Variants in COL20A1 observed in about 807,000 individuals in gnomAD.
COL20A1 encodes the protein collagen alpha-1(XX) chain.
A neutral mutation model predicts 152.9 loss-of-function variants in COL20A1; 164 were observed. The observed-to-expected ratio is 1.07, with a 90% CI of 0.94 to 1.22. The LOEUF (loss-of-function observed/expected upper bound fraction) is 1.22. Ranked by LOEUF, COL20A1 falls within the 50% of genes most tolerant of loss-of-function variation. COL20A1 has a pLI of 0.00. For missense variants in COL20A1, 1,873 were observed against 1,744.8 expected, an observed-to-expected ratio of 1.07 and a Z score of -1.31; for synonymous variants, 864 against 756.0, an observed-to-expected ratio of 1.14 and a Z score of -2.34.
chr20:63,316,442 C>A, intron 20 of COL20A1, 111 bp from the exon 21 acceptor site: 1 of 754,506 alleles, frequency 1.3e-6, no homozygotes. Context: ...CCCTCCCTCC[C>A]ACCGCACTGC....
At chr20:63,327,750 C>G in intron 31 of COL20A1, 1 of 603,738 alleles carries the variant, frequency 1.7e-6, no homozygotes, top group Non-Finnish European at 2.9e-6. Context: ...TGCTGCAGAA[C>G]CGAGCCTCTC....
intron 1 of COL20A1, among the ~76,000 whole-genome samples, chr20:63,294,135 A>C (rs2067753169): frequency 1.7e-5 from 1 of 59,106 alleles, no homozygotes; most frequent in Admixed American, 1.7e-4. Flanking sequence ...AGGGGAGCGG[A>C]GTGTGAGGGG....
rs199530656 is a variant in COL20A1 at position 63,316,596 on chromosome 20, T to C, written c.2568T>C (p.Tyr856=). 10 of 1,588,206 alleles carry C rather than the reference T, an allele frequency of 6.3e-6. No homozygotes were observed. The Admixed American group carries it at 1.1e-4, about 17-fold the overall frequency. Residue 856 remains tyrosine, a synonymous_variant, in exon 21 of 36, where the codon TAT becomes TAC. Transcript: ENST00000358894. ...MVAFSLVEKA[Y]ASIRGVAMEP... Reference sequence around the variant, plus strand: ...CCTTCAGCCTGGTGGAAAAGGCTTATGCGTCCATCCGGGGCGTGGCCATGG... The same window carrying C: ...CCTTCAGCCTGGTGGAAAAGGCTTACGCGTCCATCCGGGGCGTGGCCATGG...
intron 2 of COL20A1, among the ~76,000 whole-genome samples, chr20:63,297,343 C>T (rs111855042): frequency 0.013 from 1,810 of 135,798 alleles, no homozygotes; most frequent in Non-Finnish European, 0.017. Context: ...CTCAGGGGAC[C>T]CAGCCCAGGG....
intron 26 of COL20A1, among the ~76,000 whole-genome samples, chr20:63,321,678 G>A (rs1193952824): frequency 1.3e-5 from 2 of 152,156 alleles, no homozygotes; most frequent in South Asian, 2.1e-4. Flanking sequence ...GGTGGGTCCT[G>A]AGAGGTCCTT....
intron 19 of COL20A1, among the ~76,000 whole-genome samples, chr20:63,314,505 G>A (rs982295591): frequency 3.9e-5 from 6 of 152,146 alleles, no homozygotes; most frequent in African/African-American, 1.4e-4. Context: ...ACAGGTCCAG[G>A]GCGAGGGCTC....
chr20:63,296,468 C>T (rs1298236185), intron 2 of COL20A1, among the ~76,000 whole-genome samples: 3 of 152,224 alleles, frequency 2.0e-5, no homozygotes, highest in East Asian at 1.9e-4. Context: ...CAGCCCAGGA[C>T]GGGTGGGAGC....
Position 63,306,729 on chromosome 20 carries a change from G to A in COL20A1, c.496+690G>A, listed in dbSNP as rs2067930830. ...GGGCTGGGCTTCCCCATAGAACTGG[G>A]AGGGCCTGGCTTTGTCTCCTCCATC... On this transcript the variant is annotated intron_variant, in intron 5 of 35. Transcript: ENST00000358894. This position sits in a 1 kb window ranked among gnomAD's most constrained non-coding sequence, Gnocchi z 6.9. Among the ~76,000 whole-genome samples the A allele has an allele frequency of 6.6e-6, 1 of 152,232 alleles. No individual in the cohort carries two copies. The highest frequency in any genetic ancestry group is 1.5e-5 in the Non-Finnish European group (1 of 68,028).
At chr20:63,298,767 G>A (rs1355168529) in intron 3 of COL20A1, among the ~76,000 whole-genome samples, 2 of 152,152 alleles carry the variant, frequency 1.3e-5, no homozygotes, top group Non-Finnish European at 2.9e-5. Context: ...CCTAGAGCAG[G>A]AACAGTCCTA....
At chr20:63,330,181 C>T (rs2123442321) in intron 35 of COL20A1, among the ~76,000 whole-genome samples, 1 of 152,180 alleles carries the variant, frequency 6.6e-6, no homozygotes. Flanking sequence ...GCAGGCGGAC[C>T]CTGTGTGCAA....
At position 63,296,159 on chromosome 20, in the gene COL20A1, T is replaced by G. The variant is rs907485604; in HGVS notation, c.82+970T>G. 4.6e-5 allele frequency among the ~76,000 whole-genome samples: 7 copies of G among 152,368 alleles called. No individual in the cohort carries two copies. The East Asian group carries it at 1.3e-3, about 29-fold the overall frequency. ...TGTCTTGCCATGCTGATGTGCCAGG[T>G]TTGCCCTGCACACAGGCAACAGACC... On this transcript the variant is annotated intron_variant, in intron 2 of 35. Coordinates refer to ENST00000358894, the MANE Select transcript of COL20A1 (RefSeq NM_020882.4).
chr20:63,325,046 C>G (rs1343763168), intron 27 of COL20A1: 2 of 335,128 alleles, frequency 6.0e-6, no homozygotes, highest in Non-Finnish European at 1.2e-5. Context: ...TTGGCTCTGC[C>G]ATTCTCTAGC....
intron 21 of COL20A1, among the ~76,000 whole-genome samples, chr20:63,317,470 A>T (rs949920041): frequency 6.6e-6 from 1 of 151,374 alleles, no homozygotes; most frequent in African/African-American, 2.4e-5. Context: ...TCCCTTAAAA[A>T]AAAAAAAAAA....
At chr20:63,328,546 G>A (rs370879323) in intron 34 of COL20A1, 48 bp downstream of exon 34, 85 of 1,543,660 alleles carry the variant, frequency 5.5e-5, no homozygotes, top group African/African-American at 1.2e-4. Context: ...CGGTGGGGGC[G>A]CCGGTTGTCC....
At position 63,305,828 on chromosome 20, in the gene COL20A1, A is replaced by G. The variant is rs1192352870; in HGVS notation, c.338-53A>G. The stretch of plus-strand genomic sequence containing the variant: ...GAAGGGGTGTATGTGCAGCTGCCCC[A>G]GTGGACCAGGCCCTCCACTCCCACC... On this transcript the variant is annotated intron_variant, in intron 4 of 35. Coordinates refer to ENST00000358894, the MANE Select transcript of COL20A1 (RefSeq NM_020882.4). The surrounding 1 kb of genome is among the most constrained non-coding windows in gnomAD (Gnocchi z 4.9). 6.4e-7 allele frequency: 1 copy of G among 1,570,610 alleles called. No homozygotes were observed. Among genetic ancestry groups the G allele is most frequent in the Non-Finnish European group, 8.7e-7 (1 of 1,143,390 alleles).
At position 63,310,381 on chromosome 20, in the gene COL20A1, G is replaced by T; in HGVS notation, c.1264G>T (p.Val422Leu). The T allele has an allele frequency of 6.2e-7, 1 of 1,610,962 alleles. No homozygotes were observed. Among genetic ancestry groups the T allele is most frequent in the Non-Finnish European group, 8.5e-7 (1 of 1,179,186 alleles). ...TCCGTCCTTGCCCACTCTGTTCCAG[G>T]TGGTGGTGGAGGGACCCGCCGCCTC... is the stretch of plus-strand genomic sequence containing the variant. ...RASRGGTPRE[V>L]VVEGPAASTE... Residue 422 changes from valine to leucine, a missense_variant and splice_region_variant, in exon 11 of 36, where the codon GTG (valine) becomes TTG (leucine). Coordinates refer to ENST00000358894, the MANE Select transcript of COL20A1 (RefSeq NM_020882.4).
rs1189158385 is a variant in COL20A1, at chr20:63,313,135, C to G, written c.2095C>G (p.Leu699Val). ...KAHEISVPGN[L>V]GTAVLPGLGR... ...TCCCTAGATCTCTGTCCCAGGGAACCTCGGCACGGCCGTCCTGCCTGGCCT... is the reference window on the plus strand; with the variant it reads ...TCCCTAGATCTCTGTCCCAGGGAACGTCGGCACGGCCGTCCTGCCTGGCCT... The change falls in exon 17 of 36, where the codon CTC becomes GTC. Residue 699 changes from leucine to valine, a missense_variant. By Grantham distance (32) the Leu-to-Val change is conservative. Transcript: ENST00000358894. The surrounding 1 kb of genome is among the most constrained non-coding windows in gnomAD (Gnocchi z 5.9). The G allele has an allele frequency of 1.9e-6, 3 of 1,610,380 alleles. No individual in the cohort carries two copies. Among genetic ancestry groups the G allele is most frequent in the Non-Finnish European group, 2.5e-6 (3 of 1,178,914 alleles).
At chr20:63,300,414 T>C (rs2067850213) in intron 3 of COL20A1, among the ~76,000 whole-genome samples, 1 of 152,208 alleles carries the variant, frequency 6.6e-6, no homozygotes, top group Non-Finnish European at 1.5e-5. Context: ...ACTACTCAGA[T>C]TTTCTAATTT....
In COL20A1 at chr20:63,307,997, C is replaced by G. The variant is rs1017703401; in HGVS notation, c.682C>G (p.Gln228Glu). ...CCTGACTCAGTACAGCGGGGATGCT[C>G]AGACTGAGTGGGACCTGAACTCCCT... Reference protein sequence around the residue: ...VGLTQYSGDAQTEWDLNSLST... With the variant: ...VGLTQYSGDAETEWDLNSLST... Residue 228 changes from glutamine to glutamate, a missense_variant, in exon 7 of 36, where the codon CAG becomes GAG. Coordinates refer to ENST00000358894, the MANE Select transcript of COL20A1 (RefSeq NM_020882.4). The G allele has an allele frequency of 3.0e-5, 48 of 1,612,474 alleles. No homozygotes were observed. The highest frequency in any genetic ancestry group is 3.7e-5 in the Non-Finnish European group (44 of 1,179,756).
Sources: allele counts gnomAD v4.1 joint callset (sites outside exome capture counted in the v4.1 genomes callset), GRCh38; gene constraint gnomAD v4.1.1; non-coding constraint Gnocchi (gnomAD v3.1); transcripts MANE v1.5; gene names NCBI Gene and HGNC (gene_info 2026-07-23, HGNC 2026-07-21).